PDE5A: variants seen among roughly 807,000 people sequenced by gnomAD.
PDE5A encodes cGMP-specific 3',5'-cyclic phosphodiesterase.
A neutral mutation model predicts 110.2 loss-of-function variants in PDE5A; 67 were observed. That is an observed-to-expected ratio of 0.61 (90% CI 0.50 to 0.75). PDE5A has a LOEUF of 0.75. PDE5A is among the 30% of genes least tolerant of loss of function. The pLI is 0.00. For synonymous variants in PDE5A, 328 were observed against 351.2 expected (o/e 0.93, Z 0.74); for missense variants, 862 against 1,045.1 (o/e 0.82, Z 2.42).
chr4:119,525,482 A>G lies in PDE5A; in HGVS notation c.1779+67T>C. The G allele has an allele frequency of 6.9e-7, 1 of 1,444,396 alleles. No homozygotes were observed. Among genetic ancestry groups the G allele is most frequent in the South Asian group, 1.4e-5 (1 of 70,624 alleles). 89.5% of individuals were successfully genotyped at this position (1,444,396 alleles called of 1,614,324 possible). On this transcript the variant is annotated intron_variant, in intron 12 of 20. Transcript: ENST00000354960. The surrounding 1 kb of genome is among the most constrained non-coding windows in gnomAD (Gnocchi z 4.3). ...TATTCCATATTTGCATTCAAAACCAATTCTCTCTCTTACATACACACACAC... is the reference window on the plus strand; with the variant it reads ...TATTCCATATTTGCATTCAAAACCAGTTCTCTCTCTTACATACACACACAC...
intron 11 of PDE5A, among the ~76,000 whole-genome samples, chr4:119,534,421 C>G (rs1388294035): frequency 1.3e-5 from 2 of 151,864 alleles, no homozygotes; most frequent in Non-Finnish European, 2.9e-5. Context: ...GTTGCATGCT[C>G]CTTATGAGAA....
intron 9 of PDE5A, 165 bp downstream of exon 9, chr4:119,552,385 T>C (rs761578658): frequency 8.4e-5 from 34 of 405,778 alleles, no homozygotes; most frequent in Non-Finnish European, 1.3e-4. Flanking sequence ...TTATAAGATA[T>C]TTAACAAATG....
At chr4:119,560,494 C>T (rs1727709920) in intron 6 of PDE5A, 131 bp from the exon 7 acceptor site, 1 of 462,058 alleles carries the variant, frequency 2.2e-6, no homozygotes, top group East Asian at 3.5e-5. Context: ...TATTCTTGGA[C>T]AAAATAGACC....
At chr4:119,545,383 A>C (rs1378663222) in intron 9 of PDE5A, among the ~76,000 whole-genome samples, 1 of 152,226 alleles carries the variant, frequency 6.6e-6, no homozygotes, top group African/African-American at 2.4e-5. Context: ...GTTACTCATA[A>C]ACCATACAAA....
chr4:119,611,098 C>A (rs1321489266), intron 1 of PDE5A, among the ~76,000 whole-genome samples: 2 of 152,190 alleles, frequency 1.3e-5, no homozygotes, highest in Non-Finnish European at 2.9e-5. Flanking sequence ...GGGATGCTCT[C>A]CCCTCATTGG....
In PDE5A at chr4:119,500,960, A is replaced by G. The variant is rs1725298899; in HGVS notation, c.2490+210T>C. On this transcript the variant is annotated intron_variant, in intron 20 of 20. Transcript: ENST00000354960. ...TAGCATCCCCAAATCAATTTGTTGGAGATTAGCACATAGTAGGCACTCAAT... is the reference window on the plus strand; with the variant it reads ...TAGCATCCCCAAATCAATTTGTTGGGGATTAGCACATAGTAGGCACTCAAT... 5.8e-6 allele frequency: 3 copies of G among 515,320 alleles called. No homozygotes were observed. In the South Asian group the frequency reaches 8.3e-5, roughly 14 times the overall value. 31.9% of individuals were successfully genotyped at this position (515,320 alleles called of 1,614,324 possible).
At chr4:119,594,281 C>T (rs1729078571) in intron 3 of PDE5A, among the ~76,000 whole-genome samples, 1 of 152,180 alleles carries the variant, frequency 6.6e-6, no homozygotes, top group Non-Finnish European at 1.5e-5. Context: ...TTCCCCCAAT[C>T]CTGACTGTTG....
intron 1 of PDE5A, among the ~76,000 whole-genome samples, chr4:119,616,025 A>G (rs1161000002): frequency 1.3e-5 from 2 of 152,128 alleles, no homozygotes; most frequent in Admixed American, 6.6e-5. Context: ...TCCTCCAATC[A>G]CTTATTTCCT....
intron 3 of PDE5A, among the ~76,000 whole-genome samples, chr4:119,584,362 T>C (rs550343529): frequency 6.6e-6 from 1 of 152,264 alleles, no homozygotes; most frequent in Admixed American, 6.5e-5. Flanking sequence ...TTTTAGGAAA[T>C]ATGACAACTC....
chr4:119,510,334 A>G (rs773646708), intron 15 of PDE5A, among the ~76,000 whole-genome samples: 6 of 152,028 alleles, frequency 3.9e-5, no homozygotes, highest in Non-Finnish European at 5.9e-5. Context: ...ACTTAGCAAT[A>G]TTGTAAAATT....
intron 6 of PDE5A, among the ~76,000 whole-genome samples, chr4:119,562,164 G>C (rs1176536146): frequency 1.3e-5 from 2 of 152,196 alleles, no homozygotes; most frequent in Non-Finnish European, 2.9e-5. Flanking sequence ...CTTAGGCCAG[G>C]GGCCCTGATT....
At position 119,495,816 on chromosome 4, in the gene PDE5A, C is replaced by T. The variant is rs749444160; in HGVS notation, c.*2785G>A. Reference sequence around the variant, plus strand: ...GCAAGTGAAGCTGAATAAATATATTCTCTTTGTTCAGTCATGGAAACTCAA... The same window carrying T: ...GCAAGTGAAGCTGAATAAATATATTTTCTTTGTTCAGTCATGGAAACTCAA... On this transcript the variant is annotated 3_prime_UTR_variant, in exon 21 of 21. Coordinates refer to ENST00000354960, the MANE Select transcript of PDE5A (RefSeq NM_001083.4). 2.6e-5 allele frequency: 4 copies of T among 152,136 alleles called. No individual in the cohort carries two copies. The highest frequency in any genetic ancestry group is 5.9e-5 in the Non-Finnish European group (4 of 68,024). The allele number at this position is 152,136 out of a possible 1,614,324, so 9.4% of individuals were successfully genotyped here. A position where few individuals can be genotyped will look rare whatever the true frequency, so the allele number is the denominator to read the frequency against.
At chr4:119,625,303 A>G (rs534361033) in intron 1 of PDE5A, among the ~76,000 whole-genome samples, 1 of 152,250 alleles carries the variant, frequency 6.6e-6, no homozygotes, top group East Asian at 1.9e-4. Flanking sequence ...GGCCCAACCT[A>G]TAGCTTTTAA....
Position 119,627,524 on chromosome 4 carries a change from G to A in PDE5A, c.152+996C>T, listed in dbSNP as rs1368672362. On this transcript the variant is annotated intron_variant, in intron 1 of 20. Coordinates refer to ENST00000354960, the MANE Select transcript of PDE5A (RefSeq NM_001083.4). The surrounding 1 kb of genome is among the most constrained non-coding windows in gnomAD (Gnocchi z 4.6). ...CCGCTGCCCAGAGCAGGCGGCAGCG[G>A]GGCACGGACTCTTTCTGCAAAGGGG... 1.3e-5 allele frequency: 2 copies of A among 153,922 alleles called. No individual in the cohort carries two copies. The highest frequency in any genetic ancestry group is 2.9e-5 in the Non-Finnish European group (2 of 69,630). 9.5% of individuals were successfully genotyped at this position (153,922 alleles called of 1,614,324 possible).
chr4:119,565,525 T>C (rs1448832211), intron 4 of PDE5A, 115 bp from the exon 5 acceptor site: 4 of 699,724 alleles, frequency 5.7e-6, no homozygotes, highest in Non-Finnish European at 2.5e-6. Flanking sequence ...TAGATGTTTG[T>C]TCTACATAAA....
At chr4:119,557,271 C>T (rs1727576497) in intron 7 of PDE5A, among the ~76,000 whole-genome samples, 1 of 152,194 alleles carries the variant, frequency 6.6e-6, no homozygotes, top group African/African-American at 2.4e-5. Flanking sequence ...ACTTTCCTTC[C>T]TTCTTCCTCT....
intron 1 of PDE5A, among the ~76,000 whole-genome samples, chr4:119,612,624 C>G (rs192439363): frequency 2.5e-3 from 380 of 152,232 alleles, no homozygotes; most frequent in African/African-American, 9.0e-3. Context: ...AATGGAAGAA[C>G]AACCTATTAG....
rs1024164565 is a variant in PDE5A at position 119,497,178 on chromosome 4, T to C, written c.*1423A>G. The C allele has an allele frequency of 6.6e-6, 1 of 152,134 alleles. No individual in the cohort carries two copies. The highest frequency in any genetic ancestry group is 2.4e-5 in the African/African-American group (1 of 41,450). 9.4% of individuals were successfully genotyped at this position (152,134 alleles called of 1,614,324 possible). ...GATAGAAACTCAGATCAAATATCTT[T>C]TTTGTGGGTTGGAGGTAGAAGTTAA... On this transcript the variant is annotated 3_prime_UTR_variant, in exon 21 of 21. Transcript: ENST00000354960.
At chr4:119,514,610 A>C (rs1725851650) in intron 14 of PDE5A, among the ~76,000 whole-genome samples, 1 of 151,962 alleles carries the variant, frequency 6.6e-6, no homozygotes, top group Non-Finnish European at 1.5e-5. Flanking sequence ...ATCTCTTTGC[A>C]CATAATGATG....
Sources: allele counts gnomAD v4.1 joint callset (sites outside exome capture counted in the v4.1 genomes callset), GRCh38; gene constraint gnomAD v4.1.1; non-coding constraint Gnocchi (gnomAD v3.1); transcripts MANE v1.5; gene names NCBI Gene and HGNC (gene_info 2026-07-23, HGNC 2026-07-21).